The following ELF2 variants were observed in gnomAD, a reference collection of about 807,000 sequenced individuals.
ELF2 encodes the protein E74 like ETS transcription factor 2.
Under a neutral mutation model 54.8 loss-of-function variants are expected in ELF2, and 11 were observed. The observed-to-expected ratio is 0.20, with a 90% CI of 0.13 to 0.33. The LOEUF is 0.33. Among genes scored for constraint, ELF2 ranks in the 10% least tolerant of loss-of-function variants. The pLI is 1.00. For missense variants in ELF2, 513 were observed against 703.0 expected (o/e 0.73, Z 3.06); for synonymous variants, 203 against 245.1 (o/e 0.83, Z 1.61).
chr4:139,115,438 C>T, intron 4 of ELF2: 1 of 983,828 alleles, frequency 1.0e-6, no homozygotes, highest in South Asian at 4.7e-5. Context: ...CCGGGACGCC[C>T]CCGGCTGGCT....
intron 1 of ELF2, among the ~76,000 whole-genome samples, chr4:139,166,141 C>A (rs1173064081): frequency 6.6e-6 from 1 of 152,008 alleles, no homozygotes; most frequent in African/African-American, 2.4e-5. Flanking sequence ...TGTTCGAGAC[C>A]AGCCTGGCCA....
chr4:139,116,704 G>A, intron 4 of ELF2: 2 of 985,396 alleles, frequency 2.0e-6, no homozygotes, highest in Non-Finnish European at 2.4e-6. Context: ...TCCTAGGATA[G>A]GGGCTCGTTT....
At chr4:139,103,229 T>C (rs1200247040) in intron 4 of ELF2, among the ~76,000 whole-genome samples, 1 of 152,236 alleles carries the variant, frequency 6.6e-6, no homozygotes, top group Non-Finnish European at 1.5e-5. Context: ...CCCCATTTCC[T>C]GGCATACAAG....
Position 139,079,885 on chromosome 4 carries a change from G to A in ELF2, c.239-6318C>T, listed in dbSNP as rs532393219. On this transcript the variant is annotated intron_variant, in intron 4 of 9. Coordinates refer to ENST00000686138, the MANE Select transcript of ELF2 (RefSeq NM_001331036.3). ...TGTGCCACTGCACTCCAGGCTGGGC[G>A]ACAGAGGGAGACTCCATCTCAAAAA... Among the ~76,000 whole-genome samples, 143 of 152,280 alleles carry A rather than the reference G, an allele frequency of 9.4e-4. 2 individuals are homozygous for A. Among genetic ancestry groups the A allele is most frequent in the East Asian group, 5.8e-4 (3 of 5,186 alleles).
intron 4 of ELF2, among the ~76,000 whole-genome samples, chr4:139,096,376 T>C (rs1002450178): frequency 6.6e-6 from 1 of 152,182 alleles, no homozygotes; most frequent in African/African-American, 2.4e-5. Context: ...TATTTAAATG[T>C]GTATATAAGG....
intron 4 of ELF2, among the ~76,000 whole-genome samples, chr4:139,092,759 C>A (rs569052725): frequency 1.3e-5 from 2 of 151,554 alleles, no homozygotes; most frequent in South Asian, 4.2e-4. Context: ...CCAGATCACG[C>A]CACTGCACTA....
chr4:139,166,145 C>T (rs1741701531), intron 1 of ELF2, among the ~76,000 whole-genome samples: 2 of 152,062 alleles, frequency 1.3e-5, no homozygotes, highest in Non-Finnish European at 2.9e-5. Context: ...CGAGACCAGC[C>T]TGGCCAATAT....
intron 4 of ELF2, among the ~76,000 whole-genome samples, chr4:139,120,269 T>C (rs569655521): frequency 7.6e-4 from 116 of 152,280 alleles, no homozygotes; most frequent in Non-Finnish European, 1.4e-3. Context: ...ATATGTCATG[T>C]AAGATAATAT....
At chr4:139,084,326 G>A (rs1190281189) in intron 4 of ELF2, 94 of 1,562,354 alleles carry the variant, frequency 6.0e-5, no homozygotes, top group Non-Finnish European at 7.8e-5. Context: ...CACACACTCC[G>A]ACGCCCGGAT....
chr4:139,060,206 A>T, intron 9 of ELF2, 118 bp downstream of exon 9: 1 of 915,926 alleles, frequency 1.1e-6, no homozygotes, highest in Non-Finnish European at 1.6e-6. Context: ...CACTTTTCAA[A>T]GTCCTGACAA....
At chr4:139,148,898 A>G (rs1163287090) in intron 1 of ELF2, among the ~76,000 whole-genome samples, 1 of 152,246 alleles carries the variant, frequency 6.6e-6, no homozygotes, top group Admixed American at 6.5e-5. Context: ...CAAAATGTTT[A>G]GGTAATTTGT....
At chr4:139,104,159 T>C (rs1035804218) in intron 4 of ELF2, among the ~76,000 whole-genome samples, 2 of 152,132 alleles carry the variant, frequency 1.3e-5, no homozygotes, top group Non-Finnish European at 2.9e-5. Context: ...GTTATTCTAA[T>C]GAAAATAAAG....
intron 4 of ELF2, among the ~76,000 whole-genome samples, chr4:139,119,930 C>T (rs571403208): frequency 6.6e-6 from 1 of 152,198 alleles, no homozygotes; most frequent in Admixed American, 6.5e-5. Flanking sequence ...TGCACCACCA[C>T]ACCCAGCTAA....
At position 139,069,197 on chromosome 4, in the gene ELF2, G is replaced by A. The variant is rs184014585; in HGVS notation, c.527-1427C>T. Among the ~76,000 whole-genome samples, 398 of 152,158 alleles carry A rather than the reference G, an allele frequency of 2.6e-3. 1 individual carries two copies. The highest frequency in any genetic ancestry group is 9.1e-3 in the African/African-American group (378 of 41,522). Reference sequence around the variant, plus strand: ...TTTTAGGATCAAATATATTATTACTGATTTGGTGACTGTTCTACATCTGAG... The same window carrying A: ...TTTTAGGATCAAATATATTATTACTAATTTGGTGACTGTTCTACATCTGAG... On this transcript the variant is annotated intron_variant, in intron 6 of 9. Transcript: ENST00000686138.
chr4:139,133,902 G>C (rs1737824529), intron 3 of ELF2, among the ~76,000 whole-genome samples: 1 of 152,100 alleles, frequency 6.6e-6, no homozygotes, highest in Non-Finnish European at 1.5e-5. Context: ...TAATAGTGTG[G>C]ATTTCTTAGG....
chr4:139,088,338 A>C (rs1316418571), intron 4 of ELF2, among the ~76,000 whole-genome samples: 1 of 152,114 alleles, frequency 6.6e-6, no homozygotes, highest in South Asian at 2.1e-4. Context: ...AAAATATACT[A>C]GTCAAATCTC....
intron 4 of ELF2, chr4:139,102,027 A>G (rs896781540): frequency 2.0e-5 from 3 of 151,992 alleles, no homozygotes; most frequent in African/African-American, 7.2e-5. Context: ...CAAGAAAGTA[A>G]ATGTCTCAAA....
intron 4 of ELF2, among the ~76,000 whole-genome samples, chr4:139,113,469 G>A (rs1299854756): frequency 2.6e-5 from 4 of 152,180 alleles, no homozygotes; most frequent in African/African-American, 9.7e-5. Context: ...GCTGAGACAG[G>A]AGAATCACTT....
intron 3 of ELF2, chr4:139,137,176 TA>T (rs1738266507): frequency 1.9e-5 from 3 of 154,758 alleles, no homozygotes; most frequent in Admixed American, 1.3e-4. Context: ...AATTCGTGTT[TA>T]AATGAGATTA....
Sources: allele counts gnomAD v4.1 joint callset (sites outside exome capture counted in the v4.1 genomes callset), GRCh38; gene constraint gnomAD v4.1.1; transcripts MANE v1.5; gene names NCBI Gene and HGNC (gene_info 2026-07-23, HGNC 2026-07-21).